The following PKD1L1 variants were observed in gnomAD, a reference collection of about 807,000 sequenced individuals.
PKD1L1 encodes the protein polycystin 1 like 1, transient receptor potential channel interacting, also known as polycystin-1-like protein 1.
Under a neutral mutation model 323.4 loss-of-function variants are expected in PKD1L1, and 236 were observed. That is an observed-to-expected ratio of 0.73 (90% CI 0.66 to 0.81). PKD1L1 has a LOEUF of 0.81. PKD1L1 is among the 40% of genes least tolerant of loss of function. PKD1L1 has a pLI of 0.00. For missense variants in PKD1L1, 3,320 were observed against 3,508.0 expected, an observed-to-expected ratio of 0.95 and a Z score of 1.35; for synonymous variants, 1,344 against 1,335.0, an observed-to-expected ratio of 1.01 and a Z score of -0.15.
At chr7:47,837,591 A>G (rs555405413) in intron 36 of PKD1L1, among the ~76,000 whole-genome samples, 1 of 152,014 alleles carries the variant, frequency 6.6e-6, no homozygotes, top group African/African-American at 2.4e-5. Context: ...TTCCTAAGAG[A>G]CTTTCAAAAA....
Position 47,898,001 on chromosome 7 carries a change from G to A in PKD1L1, c.2258C>T (p.Thr753Ile). The A allele has an allele frequency of 6.2e-7, 1 of 1,611,750 alleles. No homozygotes were observed. The highest frequency in any genetic ancestry group is 8.5e-7 in the Non-Finnish European group (1 of 1,179,544). Reference sequence around the variant, plus strand: ...CAGCCAGCTGACCTTGGCAAGGGCAGTGTAGTTCCCATACTCCAAGGTGTG... The same window carrying A: ...CAGCCAGCTGACCTTGGCAAGGGCAATGTAGTTCCCATACTCCAAGGTGTG... ...PSHTLEYGNY[T>I]ALAKVQIEGS... The change falls in exon 14 of 57, where the codon ACT becomes ATT. Residue 753 changes from threonine (T) to isoleucine (I), a missense_variant. Thr to Ile is a moderately conservative substitution (Grantham distance 89). Transcript: ENST00000289672.
intron 26 of PKD1L1, among the ~76,000 whole-genome samples, chr7:47,864,632 C>T (rs1786117311): frequency 7.6e-6 from 1 of 132,226 alleles, no homozygotes; most frequent in Non-Finnish European, 1.6e-5. Flanking sequence ...TTCTTTCTTT[C>T]TTTCCTTCCT....
At chr7:47,926,826 A>T (rs1787664457) in intron 7 of PKD1L1, among the ~76,000 whole-genome samples, 1 of 152,080 alleles carries the variant, frequency 6.6e-6, no homozygotes, top group African/African-American at 2.4e-5. Flanking sequence ...AGCCAAATGG[A>T]TGGCCATGCT....
chr7:47,839,521 C>G lies in PKD1L1; in HGVS notation c.5694G>C (p.Trp1898Cys). The change falls in exon 36 of 57, where the codon TGG becomes TGC. Residue 1898 changes from tryptophan (W) to cysteine (C), a missense_variant. Physicochemically the swap from Trp to Cys is radical, Grantham distance 215 (BLOSUM62 -2). Coordinates refer to ENST00000289672, the MANE Select transcript of PKD1L1 (RefSeq NM_138295.5). The surrounding 1 kb of genome is among the most constrained non-coding windows in gnomAD (Gnocchi z 4.3). The stretch of plus-strand genomic sequence containing the variant: ...GACCATCATGCCTGCCGGCAGACAG[C>G]CAGCACTGGGCAGGGAAGAACCAGC... ...GQGWFFPAQC[W>C]LSAGRHDGRV... The G allele has an allele frequency of 6.2e-7, 1 of 1,612,096 alleles. No individual in the cohort carries two copies. The highest frequency in any genetic ancestry group is 8.5e-7 in the Non-Finnish European group (1 of 1,179,584).
In PKD1L1 at chr7:47,848,195, C is replaced by T. The variant is rs529892397; in HGVS notation, c.4961-1124G>A. Among the ~76,000 whole-genome samples the T allele has an allele frequency of 1.2e-3, 185 of 152,226 alleles. 2 individuals are homozygous for T. Among genetic ancestry groups the T allele is most frequent in the African/African-American group, 4.3e-3 (180 of 41,540 alleles). ...AACCACATAGGCATTTACCATCCGA[C>T]CCAGGAACAGCCTATCTAGGAATTA... is the stretch of plus-strand genomic sequence containing the variant. On this transcript the variant is annotated intron_variant, in intron 31 of 56. Transcript: ENST00000289672.
chr7:47,938,746 G>T (rs1370771035), intron 3 of PKD1L1, among the ~76,000 whole-genome samples: 1 of 152,116 alleles, frequency 6.6e-6, no homozygotes, highest in Non-Finnish European at 1.5e-5. Flanking sequence ...AATCCTAAAG[G>T]CATCGATCTA....
chr7:47,875,493 C>T (rs1285988572), intron 23 of PKD1L1, among the ~76,000 whole-genome samples: 1 of 152,144 alleles, frequency 6.6e-6, no homozygotes, highest in African/African-American at 2.4e-5. Context: ...GTCACCAACC[C>T]CCAAGATTTT....
intron 44 of PKD1L1, among the ~76,000 whole-genome samples, chr7:47,828,092 G>A (rs1483630957): frequency 1.3e-5 from 2 of 152,118 alleles, no homozygotes; most frequent in East Asian, 1.9e-4. Context: ...ATATAAAGCT[G>A]CACATGCAGA....
chr7:47,863,684 C>G (rs1786085249), intron 26 of PKD1L1, among the ~76,000 whole-genome samples: 1 of 152,088 alleles, frequency 6.6e-6, no homozygotes, highest in South Asian at 2.1e-4. Context: ...TTGGCAGGAG[C>G]AGCGGCAGTG....
intron 46 of PKD1L1, chr7:47,819,930 C>T (rs976237465): frequency 2.1e-5 from 5 of 243,506 alleles, no homozygotes; most frequent in African/African-American, 4.7e-5. Context: ...TCAAAGGCAA[C>T]AAACACACTG....
chr7:47,937,617 G>C (rs1787896982), intron 3 of PKD1L1, among the ~76,000 whole-genome samples: 1 of 152,190 alleles, frequency 6.6e-6, no homozygotes, highest in South Asian at 2.1e-4. Flanking sequence ...AGTGGCAGCA[G>C]GGGATCCACT....
intron 7 of PKD1L1, among the ~76,000 whole-genome samples, chr7:47,917,072 A>G (rs1787444241): frequency 3.3e-5 from 5 of 152,212 alleles, no homozygotes; most frequent in Admixed American, 3.3e-4. Flanking sequence ...AGGAAATCCA[A>G]AAAATGATAC....
intron 1 of PKD1L1, 46 bp from the exon 2 acceptor site, chr7:47,943,557 C>T (rs62447091): frequency 1.2e-5 from 18 of 1,440,144 alleles, no homozygotes; most frequent in Middle Eastern, 1.7e-4. Flanking sequence ...TAAGTACAAT[C>T]GTTTAATCAC....
chr7:47,884,462 A>G, intron 19 of PKD1L1, 136 bp downstream of exon 19: 1 of 767,976 alleles, frequency 1.3e-6, no homozygotes, highest in South Asian at 1.6e-5. Context: ...CGTGCCATGT[A>G]AGAGTTCAAC....
intron 52 of PKD1L1, among the ~76,000 whole-genome samples, chr7:47,804,836 C>T (rs1355531732): frequency 1.3e-5 from 2 of 152,068 alleles, no homozygotes; most frequent in Non-Finnish European, 2.9e-5. Context: ...ATTTTACACT[C>T]ACAGCACATC....
At chr7:47,809,448 A>G in intron 51 of PKD1L1, 25 bp downstream of exon 51, 1 of 1,474,798 alleles carries the variant, frequency 6.8e-7, no homozygotes. Context: ...TATTTTTCAA[A>G]AGAAAATGAC....
At chr7:47,921,177 T>C (rs1387985669) in intron 7 of PKD1L1, among the ~76,000 whole-genome samples, 1 of 129,720 alleles carries the variant, frequency 7.7e-6, no homozygotes, top group Non-Finnish European at 1.6e-5. Context: ...GTATCTACAA[T>C]GAATTCAAAC....
intron 1 of PKD1L1, among the ~76,000 whole-genome samples, chr7:47,947,643 G>A (rs1483075301): frequency 6.6e-6 from 1 of 152,234 alleles, no homozygotes; most frequent in Admixed American, 6.5e-5. Context: ...GTGCTGGCGC[G>A]CACAGAGCAT....
chr7:47,818,170 A>C (rs1156767916), intron 46 of PKD1L1: 1 of 1,367,602 alleles, frequency 7.3e-7, no homozygotes, highest in Admixed American at 1.9e-5. Context: ...GAGAACACAG[A>C]TGGAGACAGA....
Sources: gnomAD v4.1 joint callset for allele counts (sites outside exome capture counted in the v4.1 genomes callset) on GRCh38, gnomAD v4.1.1 for gene constraint, Gnocchi (gnomAD v3.1) non-coding constraint, MANE v1.5 for transcripts, NCBI Gene and HGNC (gene_info 2026-07-23, HGNC 2026-07-21) for gene names.